The following CFDP1 variants were observed in gnomAD, a reference collection of about 807,000 sequenced individuals.
CFDP1 encodes chromatin remodeling protein CFDP1.
CFDP1 carries 31 observed loss-of-function variants against 40.1 expected under a neutral mutation model. That is an observed-to-expected ratio of 0.77 (90% CI 0.58 to 1.04). CFDP1 has a LOEUF of 1.04. Among genes scored for constraint, CFDP1 ranks in the 50% least tolerant of loss-of-function variants. The pLI, the probability that CFDP1 is intolerant of heterozygous loss-of-function variation, is 0.00. For missense variants in CFDP1, 423 were observed against 343.4 expected, an observed-to-expected ratio of 1.23 and a Z score of -1.83; for synonymous variants, 167 against 120.0, an observed-to-expected ratio of 1.39 and a Z score of -2.56.
At chr16:75,417,486 A>G (rs558368027) in intron 1 of CFDP1, among the ~76,000 whole-genome samples, 1 of 152,214 alleles carries the variant, frequency 6.6e-6, no homozygotes, top group Non-Finnish European at 1.5e-5. Flanking sequence ...AGAACAGTGT[A>G]TGAAATATGC....
intron 1 of CFDP1, among the ~76,000 whole-genome samples, chr16:75,423,056 G>A (rs1488984392): frequency 2.0e-5 from 3 of 151,850 alleles, no homozygotes; most frequent in Admixed American, 1.3e-4. Flanking sequence ...CGAGGTGGGC[G>A]GATCACAAGG....
intron 5 of CFDP1, among the ~76,000 whole-genome samples, chr16:75,359,311 T>C (rs1247696743): frequency 6.6e-6 from 1 of 152,168 alleles, no homozygotes; most frequent in African/African-American, 2.4e-5. Context: ...ACAAAAAGTT[T>C]GAGAACTACT....
intron 5 of CFDP1, among the ~76,000 whole-genome samples, chr16:75,389,024 A>G (rs1423159823): frequency 1.3e-5 from 2 of 152,054 alleles, no homozygotes; most frequent in Admixed American, 6.6e-5. Flanking sequence ...GTCATTCTCA[A>G]TCTATAAAGA....
At chr16:75,423,584 C>G (rs1018052649) in intron 1 of CFDP1, among the ~76,000 whole-genome samples, 9 of 152,024 alleles carry the variant, frequency 5.9e-5, no homozygotes, top group South Asian at 2.1e-4. Flanking sequence ...GTGCGATCTC[C>G]GCTCACTGCA....
intron 5 of CFDP1, among the ~76,000 whole-genome samples, chr16:75,348,142 G>C (rs116841200): frequency 4.6e-4 from 70 of 152,276 alleles, no homozygotes; most frequent in Middle Eastern, 3.4e-3. Flanking sequence ...TAGAGACAAG[G>C]TCTCACTTAC....
At chr16:75,427,501 T>C (rs2151604102) in intron 1 of CFDP1, among the ~76,000 whole-genome samples, 1 of 152,260 alleles carries the variant, frequency 6.6e-6, no homozygotes. Flanking sequence ...TCTGCCTGCC[T>C]TGGCCTCCCA....
At chr16:75,351,215 CTAAAG>C (rs1268707928) in intron 5 of CFDP1, among the ~76,000 whole-genome samples, 3 of 152,116 alleles carry the variant, frequency 2.0e-5, no homozygotes, top group Non-Finnish European at 4.4e-5. Flanking sequence ...TGTACTGTTT[CTAAAG>C]TAAAGAAATA....
chr16:75,395,045 C>T, intron 5 of CFDP1, 45 bp downstream of exon 5: 1 of 1,609,848 alleles, frequency 6.2e-7, no homozygotes, highest in Non-Finnish European at 8.5e-7. Context: ...CTGAAAGCTT[C>T]TCCAACGTGC....
intron 5 of CFDP1, among the ~76,000 whole-genome samples, chr16:75,377,416 T>C (rs1007649183): frequency 2.6e-5 from 4 of 152,250 alleles, no homozygotes; most frequent in African/African-American, 9.6e-5. Context: ...CTTCAATTTA[T>C]TGACCAATCA....
intron 1 of CFDP1, 102 bp downstream of exon 1, chr16:75,433,187 G>A: frequency 2.6e-6 from 3 of 1,155,058 alleles, no homozygotes; most frequent in South Asian, 2.7e-5. Flanking sequence ...AGCCCCCCTG[G>A]ACCACCTGGG....
intron 5 of CFDP1, among the ~76,000 whole-genome samples, chr16:75,390,741 AAGT>A (rs2078941720): frequency 6.6e-6 from 1 of 152,178 alleles, no homozygotes; most frequent in East Asian, 1.9e-4. Flanking sequence ...CCTCTGGGGG[AAGT>A]CCATCACTTA....
At chr16:75,343,672 A>G (rs2078542172) in intron 5 of CFDP1, among the ~76,000 whole-genome samples, 1 of 152,214 alleles carries the variant, frequency 6.6e-6, no homozygotes, top group Admixed American at 6.5e-5. Context: ...CCAAAAAGAA[A>G]CTAGGCAGTA....
chr16:75,367,041 G>A (rs904093832), intron 5 of CFDP1, among the ~76,000 whole-genome samples: 1 of 151,472 alleles, frequency 6.6e-6, no homozygotes, highest in Non-Finnish European at 1.5e-5. Context: ...GCAGGCACCT[G>A]TAATCCCAGC....
chr16:75,393,980 G>A (rs1009083643), intron 5 of CFDP1, among the ~76,000 whole-genome samples: 11 of 151,976 alleles, frequency 7.2e-5, no homozygotes, highest in Non-Finnish European at 1.3e-4. Context: ...ACATGAACCC[G>A]GGAGGCGGAG....
chr16:75,401,413 G>C (rs192143865), intron 4 of CFDP1, among the ~76,000 whole-genome samples: 55 of 112,486 alleles, frequency 4.9e-4, no homozygotes, highest in Non-Finnish European at 7.8e-4. Context: ...GGGCAACAAA[G>C]TTAAGACTCC....
intron 5 of CFDP1, among the ~76,000 whole-genome samples, chr16:75,316,992 T>C (rs912265274): frequency 6.6e-6 from 1 of 151,848 alleles, no homozygotes; most frequent in Non-Finnish European, 1.5e-5. Flanking sequence ...CAAAAAAAGA[T>C]AATAAATAAA....
chr16:75,336,202 G>A (rs1397831554), intron 5 of CFDP1, among the ~76,000 whole-genome samples: 1 of 152,182 alleles, frequency 6.6e-6, no homozygotes, highest in East Asian at 1.9e-4. Context: ...TCTAGGAGGT[G>A]GAAATAGAGC....
chr16:75,344,300 C>T (rs1260568224), intron 5 of CFDP1, among the ~76,000 whole-genome samples: 2 of 152,086 alleles, frequency 1.3e-5, no homozygotes, highest in Admixed American at 6.5e-5. Flanking sequence ...TGTGTATGTA[C>T]GAAATGCCAC....
intron 1 of CFDP1, among the ~76,000 whole-genome samples, chr16:75,429,379 C>T (rs552646055): frequency 2.0e-5 from 3 of 152,238 alleles, no homozygotes; most frequent in African/African-American, 7.2e-5. Flanking sequence ...CCTGACCAGG[C>T]GTGGTGGCTC....
Sources: gnomAD v4.1 joint callset for allele counts (sites outside exome capture counted in the v4.1 genomes callset) on GRCh38, gnomAD v4.1.1 for gene constraint, MANE v1.5 for transcripts, NCBI Gene and HGNC (gene_info 2026-07-23, HGNC 2026-07-21) for gene names.